Variants in IGBP1C observed in about 807,000 individuals in gnomAD.
IGBP1C encodes the protein IGBP1 family member C, also known as immunoglobulin-binding protein 1 family member C.
At chr17:58,660,600 C>T in the IGBP1C span, 1 of 796,600 alleles carries the variant, frequency 1.3e-6, no homozygotes. Flanking sequence ...TGTCGGTTGC[C>T]GTAGCCCCTA....
chr17:58,660,879 G>C, the IGBP1C span: 1 of 801,344 alleles, frequency 1.2e-6, no homozygotes, highest in Non-Finnish European at 2.3e-6. Context: ...GGTTTCATTG[G>C]AGGCCTCTTC....
the IGBP1C span, among the ~76,000 whole-genome samples, chr17:58,683,027 T>C: frequency 7.8e-6 from 1 of 128,544 alleles, no homozygotes; most frequent in South Asian, 2.4e-4. Context: ...CACTCCAGCC[T>C]GGGCGACAGT....
the IGBP1C span, among the ~76,000 whole-genome samples, chr17:58,689,075 T>C: frequency 6.8e-6 from 1 of 146,306 alleles, no homozygotes; most frequent in East Asian, 2.1e-4. Flanking sequence ...GGACTACAGG[T>C]GCCTGCCACC....
At chr17:58,660,849 T>C in the IGBP1C span, 4 of 790,678 alleles carry the variant, frequency 5.1e-6, no homozygotes, top group East Asian at 9.7e-5. Context: ...GCTTGCGCCA[T>C]GTTCCGAGTG....
the IGBP1C span, among the ~76,000 whole-genome samples, chr17:58,672,574 T>C: frequency 6.6e-6 from 1 of 152,022 alleles, no homozygotes; most frequent in African/African-American, 2.4e-5. Context: ...GCTGGGATTA[T>C]AGGCACGCGC....
At chr17:58,689,881 G>A in the IGBP1C span, among the ~76,000 whole-genome samples, 8 of 146,140 alleles carry the variant, frequency 5.5e-5, no homozygotes, top group South Asian at 2.1e-4. Flanking sequence ...ATGGAGTCTC[G>A]CTCTGTCGCC....
chr17:58,669,339 G>A, the IGBP1C span, among the ~76,000 whole-genome samples: 1 of 151,406 alleles, frequency 6.6e-6, no homozygotes, highest in Non-Finnish European at 1.5e-5. Flanking sequence ...GCGAAAGAGC[G>A]ACACTCTGTC....
chr17:58,690,248 C>T, the IGBP1C span, among the ~76,000 whole-genome samples: 1 of 151,472 alleles, frequency 6.6e-6, no homozygotes, highest in Non-Finnish European at 1.5e-5. Context: ...CTCACTGCAA[C>T]CTCAACCTCC....
At chr17:58,682,365 C>G in the IGBP1C span, among the ~76,000 whole-genome samples, 1 of 151,704 alleles carries the variant, frequency 6.6e-6, no homozygotes, top group African/African-American at 2.4e-5. Flanking sequence ...TCAAGCGGTT[C>G]TCCTGCCTCA....
the IGBP1C span, among the ~76,000 whole-genome samples, chr17:58,667,253 T>TC: frequency 6.6e-6 from 1 of 152,186 alleles, no homozygotes; most frequent in Admixed American, 6.6e-5. Context: ...GGTTTTGGAA[T>TC]CCAAGATCTG....
At chr17:58,677,931 C>A in the IGBP1C span, among the ~76,000 whole-genome samples, 1 of 152,226 alleles carries the variant, frequency 6.6e-6, no homozygotes, top group Non-Finnish European at 1.5e-5. Flanking sequence ...GCAGGCAGAT[C>A]ACGAGGTCAG....
At chr17:58,664,002 C>T in the IGBP1C span, among the ~76,000 whole-genome samples, 3 of 152,170 alleles carry the variant, frequency 2.0e-5, no homozygotes, top group African/African-American at 7.2e-5. Flanking sequence ...CACTGCACTC[C>T]AGCCTAGTGA....
chr17:58,687,104 A>G, the IGBP1C span, among the ~76,000 whole-genome samples: 1 of 151,810 alleles, frequency 6.6e-6, no homozygotes, highest in Non-Finnish European at 1.5e-5. Context: ...ATCAAACACC[A>G]AACTGTTAAT....
At chr17:58,684,180 C>G in the IGBP1C span, among the ~76,000 whole-genome samples, 1 of 150,596 alleles carries the variant, frequency 6.6e-6, no homozygotes, top group Admixed American at 6.6e-5. Flanking sequence ...TGCTTCCGCC[C>G]GGCATGGTGA....
the IGBP1C span, among the ~76,000 whole-genome samples, chr17:58,685,256 A>C: frequency 1.3e-5 from 2 of 151,906 alleles, no homozygotes; most frequent in Non-Finnish European, 2.9e-5. Context: ...CAACATGGTG[A>C]AACACCGTCT....
the IGBP1C span, among the ~76,000 whole-genome samples, chr17:58,672,271 G>A: frequency 1.3e-5 from 2 of 152,080 alleles, no homozygotes; most frequent in African/African-American, 4.8e-5. Context: ...CCTTCCAGGG[G>A]GTTGGAATCC....
the IGBP1C span, among the ~76,000 whole-genome samples, chr17:58,687,033 C>G: frequency 6.6e-6 from 1 of 151,896 alleles, no homozygotes; most frequent in Non-Finnish European, 1.5e-5. Flanking sequence ...ACCACCACAC[C>G]TGTAGGGAGC....
the IGBP1C span, among the ~76,000 whole-genome samples, chr17:58,673,608 T>C: frequency 2.6e-5 from 4 of 152,132 alleles, no homozygotes; most frequent in African/African-American, 4.8e-5. Context: ...CCCAGGCTGG[T>C]TGGAATGCAG....
the IGBP1C span, among the ~76,000 whole-genome samples, chr17:58,676,677 T>C: frequency 4.6e-5 from 7 of 152,182 alleles, no homozygotes; most frequent in East Asian, 1.9e-4. Context: ...CTATAGTCAT[T>C]GTTAAGAGCA....
Sources: gnomAD v4.1 joint callset for allele counts (sites outside exome capture counted in the v4.1 genomes callset) on GRCh38, gnomAD v4.1.1 for gene constraint, MANE v1.5 for transcripts, NCBI Gene and HGNC (gene_info 2026-07-23, HGNC 2026-07-21) for gene names.